Variants in CEP85 observed in about 807,000 individuals in gnomAD.
The protein encoded by CEP85 is centrosomal protein of 85 kDa.
In CEP85, 58 loss-of-function variants were observed where a neutral mutation model predicts 93.7. That is an observed-to-expected ratio of 0.62 (90% CI 0.50 to 0.77). The LOEUF (loss-of-function observed/expected upper bound fraction) is 0.77. CEP85 is among the 30% of genes least tolerant of loss of function. The pLI is 0.00. For synonymous variants in CEP85, 314 were observed against 338.6 expected (o/e 0.93, Z 0.80); for missense variants, 868 against 922.0 (o/e 0.94, Z 0.76).
chr1:26,240,078 G>A (rs977376931), intron 2 of CEP85, among the ~76,000 whole-genome samples: 15 of 152,146 alleles, frequency 9.9e-5, no homozygotes, highest in African/African-American at 3.4e-4. Context: ...TAAAGGATTG[G>A]AACAGAATGA....
chr1:26,236,407 TCC>T (rs368043640), intron 1 of CEP85, among the ~76,000 whole-genome samples: 1 of 149,360 alleles, frequency 6.7e-6, no homozygotes. Flanking sequence ...TTTTTTTTTT[TCC>T]CCTCTGTCTG....
intron 7 of CEP85, among the ~76,000 whole-genome samples, chr1:26,262,703 T>A (rs2089830687): frequency 6.6e-6 from 1 of 152,182 alleles, no homozygotes; most frequent in Admixed American, 6.5e-5. Flanking sequence ...AAACGGCACC[T>A]GCAACACACT....
chr1:26,249,801 T>C (rs1391429435), intron 3 of CEP85, among the ~76,000 whole-genome samples: 1 of 152,182 alleles, frequency 6.6e-6, no homozygotes, highest in Non-Finnish European at 1.5e-5. Flanking sequence ...ACTATATTCT[T>C]AAAATGGCAA....
chr1:26,263,826 C>T (rs932664960), intron 7 of CEP85, among the ~76,000 whole-genome samples: 4 of 152,076 alleles, frequency 2.6e-5, no homozygotes, highest in Non-Finnish European at 5.9e-5. Context: ...TCCACTTGTA[C>T]GTGTATTTTT....
At position 26,244,323 on chromosome 1, in the gene CEP85, G is replaced by A. The variant is rs769707744; in HGVS notation, c.208+5G>A. The A allele has an allele frequency of 1.1e-5, 17 of 1,611,784 alleles. No individual in the cohort carries two copies. The South Asian group carries it at 1.9e-4, about 18-fold the overall frequency. On this transcript the variant is annotated splice_donor_5th_base_variant and intron_variant, in intron 3 of 13. Coordinates refer to ENST00000451429, the MANE Select transcript of CEP85 (RefSeq NM_001319944.2). The stretch of plus-strand genomic sequence containing the variant: ...CATGCTCAGATATTGCGGAGGGTAA[G>A]TTTGTATTAATGATTTGATTACCAA...
intron 7 of CEP85, among the ~76,000 whole-genome samples, chr1:26,265,145 G>A (rs10902726): frequency 0.53 from 80,868 of 151,516 alleles, 22,854 homozygotes; most frequent in Non-Finnish European, 0.65. Flanking sequence ...CACCATGCCC[G>A]GCTAATTTTT....
chr1:26,245,359 G>T (rs1168378219), intron 3 of CEP85, among the ~76,000 whole-genome samples: 6 of 151,964 alleles, frequency 3.9e-5, no homozygotes, highest in African/African-American at 1.5e-4. Context: ...TGATACTGGG[G>T]CTCTTTTTTT....
At chr1:26,275,748 C>T (rs2090044883) in intron 12 of CEP85, among the ~76,000 whole-genome samples, 1 of 152,180 alleles carries the variant, frequency 6.6e-6, no homozygotes, top group African/African-American at 2.4e-5. Context: ...GGCCTAGTGC[C>T]TAGGAAGGAA....
chr1:26,267,191 C>T (rs112178352), intron 7 of CEP85, among the ~76,000 whole-genome samples: 7 of 152,296 alleles, frequency 4.6e-5, no homozygotes, highest in African/African-American at 1.7e-4. Flanking sequence ...TCTATGACCC[C>T]TTCAGGTTTA....
At chr1:26,260,979 T>C (rs2089798627) in intron 7 of CEP85, among the ~76,000 whole-genome samples, 1 of 151,332 alleles carries the variant, frequency 6.6e-6, no homozygotes, top group Admixed American at 6.6e-5. Flanking sequence ...TTAGTGGAGA[T>C]GGGGTTTCAC....
rs1388664746 is a variant in CEP85, at chr1:26,271,161, A to T, written c.1743+54A>T. ...AGGGTAGGCTGGGAGGAAAGAGAAG[A>T]TTGTGTATTAGGAGGGATACGTGAA... On this transcript the variant is annotated intron_variant, in intron 10 of 13. Coordinates refer to ENST00000451429, the MANE Select transcript of CEP85 (RefSeq NM_001319944.2). The T allele has an allele frequency of 1.3e-5, 14 of 1,101,902 alleles. No individual in the cohort carries two copies. The Admixed American group carries it at 1.9e-4, about 15-fold the overall frequency. 68.3% of individuals were successfully genotyped at this position (1,101,902 alleles called of 1,614,324 possible).
intron 3 of CEP85, among the ~76,000 whole-genome samples, chr1:26,244,710 A>G (rs574499498): frequency 6.6e-6 from 1 of 152,130 alleles, no homozygotes; most frequent in South Asian, 2.1e-4. Flanking sequence ...TTTTATAGAG[A>G]TGGCGTTTTG....
At chr1:26,242,599 A>G (rs1324787798) in intron 2 of CEP85, among the ~76,000 whole-genome samples, 1 of 152,232 alleles carries the variant, frequency 6.6e-6, no homozygotes, top group Non-Finnish European at 1.5e-5. Flanking sequence ...AAGAAAATAG[A>G]TTAAAAAGAT....
In CEP85 at chr1:26,276,776, AG is replaced by A. The variant is rs200414752; in HGVS notation, c.2128+17del. 1.5e-3 allele frequency: 2,373 copies of A among 1,587,124 alleles called. 26 individuals carry two copies. The African/African-American group carries it at 0.021, about 14-fold the overall frequency. On this transcript the variant is annotated intron_variant, in intron 13 of 13. Transcript: ENST00000451429. ...GGCATTCACTGTGAGTCCTCAGACC[AG>A]TCTGGGGCCCAGGAAGGAGGGTCCT...
intron 12 of CEP85, among the ~76,000 whole-genome samples, chr1:26,275,492 A>G (rs1362101366): frequency 1.4e-4 from 21 of 152,168 alleles, no homozygotes; most frequent in African/African-American, 5.1e-4. Flanking sequence ...TGTTGGCCAG[A>G]ATGGTCTTCA....
chr1:26,278,037 C>G lies in CEP85; in HGVS notation c.*744C>G, dbSNP rs2090078444. ...CTCAGGCCTTCCAGGTAGTCCCCTT[C>G]CTGGACTTAAGAGTGCAAACTCTTC... On this transcript the variant is annotated 3_prime_UTR_variant, in exon 14 of 14. Coordinates refer to ENST00000451429, the MANE Select transcript of CEP85 (RefSeq NM_001319944.2). 1 of 152,626 alleles carries G rather than the reference C, an allele frequency of 6.6e-6. No homozygotes were observed. The highest frequency in any genetic ancestry group is 2.1e-4 in the South Asian group (1 of 4,814). The allele number at this position is 152,626 out of a possible 1,614,324, so 9.5% of individuals were successfully genotyped here.
intron 1 of CEP85, among the ~76,000 whole-genome samples, chr1:26,237,805 C>T (rs145923813): frequency 1.1e-3 from 170 of 152,182 alleles, no homozygotes; most frequent in African/African-American, 3.6e-3. Flanking sequence ...GAATCCAGTG[C>T]GCCTACCATT....
chr1:26,250,925 C>CCT (rs2089598435), intron 3 of CEP85, among the ~76,000 whole-genome samples: 10 of 55,160 alleles, frequency 1.8e-4, no homozygotes, highest in African/African-American at 5.9e-4. Flanking sequence ...TTTTTTTTTT[C>CCT]TTTTTTCTTT....
intron 7 of CEP85, among the ~76,000 whole-genome samples, chr1:26,264,980 CTTT>C (rs766050519): frequency 4.3e-5 from 4 of 92,902 alleles, no homozygotes; most frequent in South Asian, 4.0e-4. Context: ...CCACACCCGG[CTTT>C]TTTTTTTTTT....
Sources: gnomAD v4.1 joint callset for allele counts (sites outside exome capture counted in the v4.1 genomes callset) on GRCh38, gnomAD v4.1.1 for gene constraint, MANE v1.5 for transcripts, NCBI Gene and HGNC (gene_info 2026-07-23, HGNC 2026-07-21) for gene names.